Variants in FBXW7 observed in about 807,000 individuals in gnomAD.
The protein encoded by FBXW7 is F-box and WD repeat domain containing 7, also known as F-box/WD repeat-containing protein 7.
In FBXW7, 11 loss-of-function variants were observed where a neutral mutation model predicts 86.3. That is an observed-to-expected ratio of 0.13 (90% CI 0.08 to 0.21). FBXW7 has a LOEUF of 0.21. Ranked by LOEUF, FBXW7 falls within the 10% of genes least tolerant of loss-of-function variation. The probability of loss-of-function intolerance (pLI) is 1.00; values close to 1 mark genes in which losing one functional copy is unlikely to be tolerated. For missense variants in FBXW7, 488 were observed against 847.4 expected, an observed-to-expected ratio of 0.58 and a Z score of 5.27; for synonymous variants, 313 against 297.9, an observed-to-expected ratio of 1.05 and a Z score of -0.52.
At chr4:152,518,689 G>A (rs1242374272) in intron 2 of FBXW7, among the ~76,000 whole-genome samples, 4 of 152,290 alleles carry the variant, frequency 2.6e-5, no homozygotes, top group Admixed American at 2.0e-4. Flanking sequence ...AAGTTCAAAT[G>A]TATTTAACTA....
intron 2 of FBXW7, among the ~76,000 whole-genome samples, chr4:152,435,140 TAAGTATGCATTTCTTATAAA>T (rs1167579144): frequency 6.6e-6 from 1 of 150,644 alleles, no homozygotes; most frequent in African/African-American, 2.4e-5. Flanking sequence ...ACCAAACACG[TAAGTATGCATTTCTTATAAA>T]AAGGACATAC....
intron 2 of FBXW7, among the ~76,000 whole-genome samples, chr4:152,424,002 C>A (rs1167053198): frequency 6.6e-6 from 1 of 152,116 alleles, no homozygotes; most frequent in African/African-American, 2.4e-5. Flanking sequence ...ACACAACTTT[C>A]CTGCTGGCAG....
At chr4:152,534,292 A>T (rs1750270814) in intron 2 of FBXW7, among the ~76,000 whole-genome samples, 1 of 151,962 alleles carries the variant, frequency 6.6e-6, no homozygotes, top group Non-Finnish European at 1.5e-5. Context: ...GGAAAAAATC[A>T]CAACTTTTAT....
intron 4 of FBXW7, among the ~76,000 whole-genome samples, chr4:152,374,755 A>G (rs908160175): frequency 2.0e-5 from 3 of 152,106 alleles, no homozygotes; most frequent in African/African-American, 7.2e-5. Flanking sequence ...ATAATTGAGG[A>G]CAACAGTGGA....
intron 2 of FBXW7, among the ~76,000 whole-genome samples, chr4:152,432,338 C>A (rs943315452): frequency 6.6e-6 from 1 of 152,130 alleles, no homozygotes; most frequent in African/African-American, 2.4e-5. Context: ...GAAAAGAAGA[C>A]AAGAGCATTC....
intron 4 of FBXW7, 62 bp from the exon 5 acceptor site, chr4:152,350,186 C>G: frequency 1.1e-6 from 1 of 899,692 alleles, no homozygotes; most frequent in Non-Finnish European, 1.7e-6. Flanking sequence ...AATCTTGAGT[C>G]AGCATGGTTA....
intron 13 of FBXW7, 37 bp downstream of exon 13, chr4:152,324,147 T>G (rs774568035): frequency 2.6e-6 from 4 of 1,529,136 alleles, no homozygotes; most frequent in Non-Finnish European, 3.6e-6. Context: ...AATGATCTCA[T>G]TTTTAATGAA....
intron 2 of FBXW7, among the ~76,000 whole-genome samples, chr4:152,521,833 T>TC (rs1422082782): frequency 6.9e-6 from 1 of 145,508 alleles, no homozygotes; most frequent in African/African-American, 2.6e-5. Flanking sequence ...TTTTTTTTTT[T>TC]TTTGAGACTG....
intron 2 of FBXW7, among the ~76,000 whole-genome samples, chr4:152,443,643 G>A (rs931022546): frequency 6.6e-6 from 1 of 151,954 alleles, no homozygotes; most frequent in East Asian, 1.9e-4. Context: ...TCTTTTGAAA[G>A]ACACTTTCTA....
rs182139378 is a variant in FBXW7, at chr4:152,425,853, G to A, written c.-119-13324C>T. 8.5e-5 allele frequency among the ~76,000 whole-genome samples: 13 copies of A among 152,202 alleles called. No homozygotes were observed. In the East Asian group the frequency reaches 1.3e-3, roughly 16 times the overall value. ...CTAATAGGAAACCCCCACATAAAGC[G>A]GGGAGCTCTACAAGGTGAACACCTA... On this transcript the variant is annotated intron_variant, in intron 2 of 13. Transcript: ENST00000281708.
At chr4:152,422,069 A>C (rs1399933992) in intron 2 of FBXW7, among the ~76,000 whole-genome samples, 1 of 152,150 alleles carries the variant, frequency 6.6e-6, no homozygotes, top group East Asian at 1.9e-4. Context: ...GGATTGCTCC[A>C]ACCCTTCAAT....
chr4:152,350,209 C>A (rs1050812452), intron 4 of FBXW7, 85 bp from the exon 5 acceptor site: 5 of 669,452 alleles, frequency 7.5e-6, no homozygotes, highest in Non-Finnish European at 1.2e-5. Context: ...ATTTTAAATT[C>A]TTAAATTTTC....
intron 6 of FBXW7, among the ~76,000 whole-genome samples, chr4:152,344,937 T>C (rs952594624): frequency 2.0e-5 from 3 of 152,176 alleles, no homozygotes; most frequent in African/African-American, 7.2e-5. Flanking sequence ...GATAAAACTA[T>C]TGCTAATAGT....
intron 2 of FBXW7, among the ~76,000 whole-genome samples, chr4:152,431,632 C>G (rs1336363212): frequency 6.6e-6 from 1 of 152,132 alleles, no homozygotes; most frequent in East Asian, 1.9e-4. Context: ...AATGGTGTCC[C>G]ATAATTTTTA....
intron 2 of FBXW7, among the ~76,000 whole-genome samples, chr4:152,532,844 G>A (rs1417035460): frequency 2.0e-5 from 3 of 152,090 alleles, no homozygotes; most frequent in Non-Finnish European, 2.9e-5. Context: ...CAAAGGCAGG[G>A]ACCCCAAAAA....
Position 152,411,586 on chromosome 4 carries a change from T to C in FBXW7, c.218A>G (p.Gln73Arg). ...ATTGTTTTCTTCCAACTGTCCTTGC[T>C]GGGAATCATTTTGGCCTCCAGGTCT... ...EPRPGGQNDS[Q>R]QGQLEENNNR... The change falls in exon 4 of 14, where the codon CAG becomes CGG. Residue 73 changes from glutamine to arginine, a missense_variant. Around this residue, in one of 4 missense-constraint regions of FBXW7, gnomAD observed 230 missense variants for 240.0 expected, o/e 0.96. Transcript: ENST00000281708. 1 of 1,613,918 alleles carries C rather than the reference T, an allele frequency of 6.2e-7. No individual in the cohort carries two copies. Among genetic ancestry groups the C allele is most frequent in the South Asian group, 1.1e-5 (1 of 91,070 alleles).
rs1231084175 is a variant in FBXW7 at position 152,387,379 on chromosome 4, CACAGAT to C, written c.501+23918_501+23923del. Among the ~76,000 whole-genome samples the C allele has an allele frequency of 5.9e-5, 9 of 152,200 alleles. No homozygotes were observed. The South Asian group carries it at 1.0e-3, about 18-fold the overall frequency. The stretch of plus-strand genomic sequence containing the variant: ...TATTATCAAGCATACTCACTTATTT[CACAGAT>C]ACAGAGTAAAGCAGATTATTTTATC... On this transcript the variant is annotated intron_variant, in intron 4 of 13. Coordinates refer to ENST00000281708, the MANE Select transcript of FBXW7 (RefSeq NM_001349798.2).
At chr4:152,420,452 T>C (rs1381010438) in intron 2 of FBXW7, among the ~76,000 whole-genome samples, 3 of 152,200 alleles carry the variant, frequency 2.0e-5, no homozygotes, top group Admixed American at 6.6e-5. Context: ...AAATCACGAA[T>C]GTTCTCAATG....
chr4:152,406,323 C>T (rs1026955508), intron 4 of FBXW7, among the ~76,000 whole-genome samples: 17 of 151,656 alleles, frequency 1.1e-4, no homozygotes, highest in African/African-American at 2.9e-4. Context: ...GAGCTGGGCA[C>T]GGTGGTCCAC....
Sources: allele counts gnomAD v4.1 joint callset (sites outside exome capture counted in the v4.1 genomes callset), GRCh38; gene constraint gnomAD v4.1.1; regional missense constraint gnomAD v4.1.1; transcripts MANE v1.5; gene names NCBI Gene and HGNC (gene_info 2026-07-23, HGNC 2026-07-21).